The following NUP188 variants were observed in gnomAD, a reference collection of about 807,000 sequenced individuals.
NUP188 encodes nucleoporin 188, also known as nucleoporin NUP188.
A neutral mutation model predicts 223.0 loss-of-function variants in NUP188; 97 were observed. The observed-to-expected ratio is 0.43, with a 90% CI of 0.37 to 0.51. NUP188 has a LOEUF of 0.51. NUP188 is among the 20% of genes least tolerant of loss of function. The pLI is 0.00. For missense variants in NUP188, 1,947 were observed against 2,175.6 expected (o/e 0.89, Z 2.09); for synonymous variants, 869 against 828.0 (o/e 1.05, Z -0.85).
chr9:128,976,947 G>A (rs559241998), intron 12 of NUP188, among the ~76,000 whole-genome samples: 9 of 151,804 alleles, frequency 5.9e-5, no homozygotes, highest in South Asian at 2.1e-4. Flanking sequence ...GTGTGGTGGC[G>A]CGCACGTGTA....
At chr9:128,974,173 G>A (rs1842139414) in intron 12 of NUP188, among the ~76,000 whole-genome samples, 1 of 152,096 alleles carries the variant, frequency 6.6e-6, no homozygotes, top group Admixed American at 6.6e-5. Flanking sequence ...TTCCCAAAAT[G>A]CTGGGATTAC....
chr9:128,984,876 T>G (rs749952371), intron 19 of NUP188, 24 bp from the exon 20 acceptor site: 4 of 1,503,470 alleles, frequency 2.7e-6, no homozygotes, highest in Non-Finnish European at 9.1e-7. Flanking sequence ...CTATCATTTT[T>G]TTTCCCTCTA....
rs780786880 is a variant in NUP188, at chr9:128,998,569, G to A, written c.3461G>A (p.Arg1154His). 7 of 1,614,024 alleles carry A rather than the reference G, an allele frequency of 4.3e-6. No homozygotes were observed. The highest frequency in any genetic ancestry group is 4.0e-5 in the African/African-American group (3 of 74,924). The change falls in exon 32 of 44, where the codon CGC becomes CAC. Residue 1154 changes from arginine to histidine, a missense_variant. Coordinates refer to ENST00000372577, the MANE Select transcript of NUP188 (RefSeq NM_015354.3). Reference protein sequence around the residue: ...LLVPASVNCLRLGSMKCTLLL... With the variant: ...LLVPASVNCLHLGSMKCTLLL... ...GTTCCAGCCTCAGTGAACTGCCTTC[G>A]CCTTGGCTCCATGAAGTGCACTCTG...
rs1452728490 is a variant in NUP188 at position 128,959,026 on chromosome 9, A to G, written c.477A>G (p.Ala159=). Residue 159 remains alanine, a synonymous_variant, in exon 8 of 44, where the codon GCA becomes GCG. Transcript: ENST00000372577. ...DERHPYRVEY[A]DCVDKLEKEL... is the part of the protein sequence containing the mutation. ...TTGATTTTTTAAAGGTTGAATATGCAGACTGTGTTGATAAATTGGAGAAGG... is the reference window on the plus strand; with the variant it reads ...TTGATTTTTTAAAGGTTGAATATGCGGACTGTGTTGATAAATTGGAGAAGG... 2 of 1,579,722 alleles carry G rather than the reference A, an allele frequency of 1.3e-6. No individual in the cohort carries two copies. Among genetic ancestry groups the G allele is most frequent in the South Asian group, 2.3e-5 (2 of 86,118 alleles).
chr9:129,006,284 C>T lies in NUP188; in HGVS notation c.4989C>T (p.Ile1663=). ...FTMENCFYLL[I]SQAMRYLRDP... ...TGGAAAACTGCTTCTACCTGCTCAT[C>T]TCTCAGGCGATGCGGTACCTTAGGG... Residue 1663 remains isoleucine (I), a synonymous_variant, in exon 43 of 44, where the codon ATC becomes ATT. Coordinates refer to ENST00000372577, the MANE Select transcript of NUP188 (RefSeq NM_015354.3). The T allele has an allele frequency of 6.2e-7, 1 of 1,614,212 alleles. No homozygotes were observed. The highest frequency in any genetic ancestry group is 8.5e-7 in the Non-Finnish European group (1 of 1,180,036).
intron 3 of NUP188, among the ~76,000 whole-genome samples, chr9:128,955,775 C>T (rs1281503139): frequency 6.6e-6 from 1 of 151,844 alleles, no homozygotes; most frequent in Non-Finnish European, 1.5e-5. Flanking sequence ...TCAACCAATT[C>T]TCCAAGGAAT....
At chr9:128,990,991 C>G (rs1842417031) in intron 25 of NUP188, among the ~76,000 whole-genome samples, 1 of 152,308 alleles carries the variant, frequency 6.6e-6, no homozygotes, top group South Asian at 2.1e-4. Context: ...GCACTCCAGC[C>G]TGGGCGACAG....
chr9:128,952,843 C>T lies in NUP188; in HGVS notation c.158C>T (p.Pro53Leu), dbSNP rs1841813064. The T allele has an allele frequency of 6.2e-7, 1 of 1,612,312 alleles. No homozygotes were observed. The highest frequency in any genetic ancestry group is 1.7e-5 in the Admixed American group (1 of 59,974). ...GAGGGGCTTTCTTACTACAAACCTC[C>T]CAGGTATGGCAGTTCCGGGTGTCTG... Reference protein sequence around the residue: ...LLEGLSYYKPPSPSSAEKVKA... With the variant: ...LLEGLSYYKPLSPSSAEKVKA... The change falls in exon 3 of 44, where the codon CCC (proline) becomes CTC (leucine). Residue 53 changes from proline (P) to leucine (L), a missense_variant. Physicochemically the swap from Pro to Leu is moderately conservative, Grantham distance 98 (BLOSUM62 -3). Coordinates refer to ENST00000372577, the MANE Select transcript of NUP188 (RefSeq NM_015354.3).
chr9:128,983,107 A>G (rs1842280411), intron 17 of NUP188, 79 bp downstream of exon 17: 4 of 1,571,152 alleles, frequency 2.5e-6, no homozygotes, highest in South Asian at 2.3e-5. Context: ...GAACCTGGAC[A>G]CATACCCACT....
chr9:128,975,613 G>T (rs1260091318), intron 12 of NUP188, among the ~76,000 whole-genome samples: 2 of 151,430 alleles, frequency 1.3e-5, no homozygotes, highest in Admixed American at 1.3e-4. Context: ...TCTGCCTCCT[G>T]GGTTCAAGCA....
At chr9:128,991,854 A>G (rs1157828308) in intron 25 of NUP188, among the ~76,000 whole-genome samples, 3 of 147,142 alleles carry the variant, frequency 2.0e-5, no homozygotes, top group Non-Finnish European at 4.5e-5. Flanking sequence ...AAAGTATTTG[A>G]GTGTGTACTT....
At chr9:128,967,584 G>T (rs1055273993) in intron 8 of NUP188, among the ~76,000 whole-genome samples, 1 of 152,066 alleles carries the variant, frequency 6.6e-6, no homozygotes, top group African/African-American at 2.4e-5. Flanking sequence ...GAGGTCAGGA[G>T]TTTGAAACCA....
At chr9:128,994,731 C>T in intron 28 of NUP188, 125 bp from the exon 29 acceptor site, 1 of 815,218 alleles carries the variant, frequency 1.2e-6, no homozygotes. Flanking sequence ...AGGACATTCA[C>T]ATTCAACAGG....
chr9:128,989,052 A>G (rs1239233311), intron 24 of NUP188, among the ~76,000 whole-genome samples: 6 of 151,630 alleles, frequency 4.0e-5, no homozygotes, highest in African/African-American at 1.5e-4. Context: ...ACCGTGCTCT[A>G]ATTTGAGGTT....
intron 37 of NUP188, among the ~76,000 whole-genome samples, 158 bp from the exon 38 acceptor site, chr9:129,003,159 C>G (rs1340941257): frequency 6.6e-6 from 1 of 152,200 alleles, no homozygotes; most frequent in Non-Finnish European, 1.5e-5. Flanking sequence ...AGGACGGGAA[C>G]GGTCTCGGGT....
intron 30 of NUP188, among the ~76,000 whole-genome samples, chr9:128,997,684 A>G (rs1490167457): frequency 6.6e-6 from 1 of 151,428 alleles, no homozygotes; most frequent in Non-Finnish European, 1.5e-5. Flanking sequence ...TTGTTGAGAT[A>G]GGGTCTCATC....
chr9:128,987,084 AGAGAGTGTGTGTGTGTGT>A (rs1207283494), intron 22 of NUP188, among the ~76,000 whole-genome samples: 1 of 128,130 alleles, frequency 7.8e-6, no homozygotes, highest in African/African-American at 2.9e-5. Context: ...AGAGAGAGAG[AGAGAGTGTGTGTGTGTGT>A]GTGTGTGTGT....
intron 8 of NUP188, 80 bp from the exon 9 acceptor site, chr9:128,968,426 T>A (rs1842061163): frequency 8.9e-7 from 1 of 1,125,762 alleles, no homozygotes; most frequent in Admixed American, 2.0e-5. Flanking sequence ...ATTGAGACCC[T>A]TTCTTTAAAA....
chr9:128,999,041 CAG>C lies in NUP188; in HGVS notation c.3516-130_3516-129del, dbSNP rs201150944. On this transcript the variant is annotated intron_variant, in intron 32 of 43. Transcript: ENST00000372577. ...CTAATTTTTGTATTTTTAGTAGAGA[CAG>C]GGTTTCACCATGTTGGCCAGGCTGG... 3,840 of 666,242 alleles carry C rather than the reference CAG, an allele frequency of 5.8e-3. 125 individuals are homozygous for C. The East Asian group carries it at 0.059, about 10-fold the overall frequency. The allele number at this position is 666,242 out of a possible 1,614,324, so 41.3% of individuals were successfully genotyped here.
Sources: allele counts gnomAD v4.1 joint callset (sites outside exome capture counted in the v4.1 genomes callset), GRCh38; gene constraint gnomAD v4.1.1; transcripts MANE v1.5; gene names NCBI Gene and HGNC (gene_info 2026-07-23, HGNC 2026-07-21).